Variants in EDIL3 observed in about 807,000 individuals in gnomAD.
EDIL3 encodes the protein EGF-like repeat and discoidin I-like domain-containing protein 3.
A neutral mutation model predicts 67.4 loss-of-function variants in EDIL3; 37 were observed. That is an observed-to-expected ratio of 0.55 (90% CI 0.42 to 0.72). EDIL3 has a LOEUF of 0.72. EDIL3 is among the 30% of genes least tolerant of loss of function. The probability of loss-of-function intolerance (pLI) is 0.00; values close to 1 mark genes in which losing one functional copy is unlikely to be tolerated. For synonymous variants in EDIL3, 195 were observed against 196.3 expected (o/e 0.99, Z 0.05); for missense variants, 527 against 586.3 (o/e 0.90, Z 1.04).
intron 1 of EDIL3, among the ~76,000 whole-genome samples, chr5:84,371,209 T>C (rs908035904): frequency 2.0e-5 from 3 of 150,750 alleles, no homozygotes; most frequent in African/African-American, 7.3e-5. Context: ...ATGAGTTACT[T>C]GGATAAGATG....
At chr5:84,337,227 A>AATTTGT (rs1490182208) in intron 1 of EDIL3, among the ~76,000 whole-genome samples, 1 of 152,146 alleles carries the variant, frequency 6.6e-6, no homozygotes, top group African/African-American at 2.4e-5. Flanking sequence ...GAATTGTTAG[A>AATTTGT]ATTTGTAGAA....
At chr5:84,204,027 G>A (rs1743906418) in intron 3 of EDIL3, among the ~76,000 whole-genome samples, 1 of 152,100 alleles carries the variant, frequency 6.6e-6, no homozygotes, top group African/African-American at 2.4e-5. Context: ...CTCCGCTTTT[G>A]TTGTTTTGTA....
chr5:84,131,600 C>T (rs1747967759), intron 5 of EDIL3, among the ~76,000 whole-genome samples: 1 of 152,066 alleles, frequency 6.6e-6, no homozygotes, highest in Non-Finnish European at 1.5e-5. Flanking sequence ...CTCAATAGCT[C>T]AGTCTGCTCT....
intron 10 of EDIL3, among the ~76,000 whole-genome samples, chr5:83,959,714 T>G (rs1655561984): frequency 6.6e-6 from 1 of 150,780 alleles, no homozygotes; most frequent in South Asian, 2.1e-4. Flanking sequence ...GCTTACTCAA[T>G]GTTAGAAAAA....
At chr5:84,304,770 C>T (rs1221161847) in intron 1 of EDIL3, among the ~76,000 whole-genome samples, 1 of 152,140 alleles carries the variant, frequency 6.6e-6, no homozygotes, top group Non-Finnish European at 1.5e-5. Context: ...GTGAACAAAT[C>T]TAAGCAGACA....
chr5:84,012,861 A>C (rs946979245), intron 9 of EDIL3, among the ~76,000 whole-genome samples: 9 of 152,040 alleles, frequency 5.9e-5, no homozygotes, highest in Non-Finnish European at 1.0e-4. Context: ...AGCCAAACTT[A>C]TTACTCTACA....
intron 1 of EDIL3, among the ~76,000 whole-genome samples, chr5:84,336,725 T>C (rs945078461): frequency 1.3e-5 from 2 of 152,076 alleles, no homozygotes; most frequent in African/African-American, 4.8e-5. Flanking sequence ...CAGTAATAAT[T>C]GAGAGAATGC....
chr5:83,979,762 G>A (rs997676065), intron 9 of EDIL3, among the ~76,000 whole-genome samples: 1 of 152,046 alleles, frequency 6.6e-6, no homozygotes, highest in African/African-American at 2.4e-5. Flanking sequence ...AACTGTCCCA[G>A]GACCTCCTGG....
intron 6 of EDIL3, among the ~76,000 whole-genome samples, chr5:84,070,662 T>C (rs1193442465): frequency 1.3e-5 from 2 of 150,564 alleles, no homozygotes; most frequent in Non-Finnish European, 3.0e-5. Context: ...AATCTAATCA[T>C]GAGTCTTACC....
At chr5:84,014,199 G>A (rs1270632500) in intron 9 of EDIL3, among the ~76,000 whole-genome samples, 2 of 152,212 alleles carry the variant, frequency 1.3e-5, no homozygotes, top group East Asian at 1.9e-4. Flanking sequence ...GTCACATACC[G>A]CTGATTCTGG....
chr5:84,000,083 C>G (rs1353963956), intron 9 of EDIL3, among the ~76,000 whole-genome samples: 1 of 151,678 alleles, frequency 6.6e-6, no homozygotes, highest in Admixed American at 6.6e-5. Flanking sequence ...GAAATAAAGA[C>G]TTTCCCAGGC....
chr5:84,127,360 A>G (rs1157286959), intron 5 of EDIL3, among the ~76,000 whole-genome samples: 1 of 152,116 alleles, frequency 6.6e-6, no homozygotes, highest in Non-Finnish European at 1.5e-5. Flanking sequence ...AGCTCTAAAA[A>G]GAACGTGTAT....
At chr5:84,231,508 G>GAA (rs1744577424) in intron 2 of EDIL3, among the ~76,000 whole-genome samples, 1 of 152,156 alleles carries the variant, frequency 6.6e-6, no homozygotes, top group Non-Finnish European at 1.5e-5. Context: ...GTTCCCAGCG[G>GAA]ATTCGTTAAT....
intron 3 of EDIL3, among the ~76,000 whole-genome samples, chr5:84,210,941 C>T (rs1435000805): frequency 2.0e-5 from 3 of 152,140 alleles, no homozygotes; most frequent in African/African-American, 4.8e-5. Context: ...ATTCATTGCA[C>T]ATTTATTTAG....
chr5:84,029,033 G>A (rs1188946341), intron 9 of EDIL3, among the ~76,000 whole-genome samples: 1 of 152,098 alleles, frequency 6.6e-6, no homozygotes, highest in African/African-American at 2.4e-5. Context: ...TGAGGCAGGT[G>A]GATCACGAGG....
chr5:83,942,621 G>C lies in EDIL3; in HGVS notation c.*798C>G, dbSNP rs2112108208. ...GAAGCAATTATTTGGAAATTAAATA[G>C]TTATGGCTTCCTTCAAAAATAAAAC... On this transcript the variant is annotated 3_prime_UTR_variant, in exon 11 of 11. Transcript: ENST00000296591. 1.3e-5 allele frequency: 2 copies of C among 152,088 alleles called. No homozygotes were observed. Among genetic ancestry groups the C allele is most frequent in the South Asian group, 4.1e-4 (2 of 4,828 alleles). The allele number at this position is 152,088 out of a possible 1,614,324, so 9.4% of individuals were successfully genotyped here. A position where few individuals can be genotyped will look rare whatever the true frequency, so the allele number is the denominator to read the frequency against.
intron 10 of EDIL3, among the ~76,000 whole-genome samples, chr5:83,944,518 G>A (rs1173082007): frequency 6.6e-6 from 1 of 151,064 alleles, no homozygotes; most frequent in Non-Finnish European, 1.5e-5. Flanking sequence ...AAAACACTGG[G>A]TCCCTGATAG....
At chr5:84,212,342 G>C (rs1405852709) in intron 3 of EDIL3, among the ~76,000 whole-genome samples, 1 of 152,150 alleles carries the variant, frequency 6.6e-6, no homozygotes, top group Non-Finnish European at 1.5e-5. Flanking sequence ...CCTATTACCG[G>C]TGAAGAAACC....
At chr5:84,281,139 T>C in intron 1 of EDIL3, among the ~76,000 whole-genome samples, 1 of 152,168 alleles carries the variant, frequency 6.6e-6, no homozygotes, top group Non-Finnish European at 1.5e-5. Flanking sequence ...ATCTTATAAG[T>C]TTTCTGAAGT....
Sources: allele counts gnomAD v4.1 joint callset (sites outside exome capture counted in the v4.1 genomes callset), GRCh38; gene constraint gnomAD v4.1.1; transcripts MANE v1.5; gene names NCBI Gene and HGNC (gene_info 2026-07-23, HGNC 2026-07-21).